NUMB: variants seen among roughly 807,000 people sequenced by gnomAD.
The protein encoded by NUMB is NUMB endocytic adaptor protein.
A neutral mutation model predicts 59.7 loss-of-function variants in NUMB; 29 were observed. That is an observed-to-expected ratio of 0.49 (90% CI 0.36 to 0.66). NUMB has a LOEUF of 0.66. NUMB is among the 30% of genes least tolerant of loss of function. The probability of loss-of-function intolerance (pLI) is 0.00; values close to 1 mark genes in which losing one functional copy is unlikely to be tolerated. For synonymous variants in NUMB, 288 were observed against 288.2 expected (o/e 1.00, Z 0.01); for missense variants, 723 against 822.0 (o/e 0.88, Z 1.47).
At chr14:73,278,721 C>CTTT (rs35813203) in intron 12 of NUMB, among the ~76,000 whole-genome samples, 675 of 58,068 alleles carry the variant, frequency 0.012, 22 homozygotes, top group Non-Finnish European at 0.015. Context: ...GCCCTGGAAT[C>CTTT]TTTTTTTTTT....
intron 4 of NUMB, among the ~76,000 whole-genome samples, chr14:73,333,946 C>T (rs985265383): frequency 6.6e-6 from 1 of 151,856 alleles, no homozygotes; most frequent in Non-Finnish European, 1.5e-5. Context: ...CTCACTGCAA[C>T]CTCCACCTCC....
At chr14:73,420,735 G>C (rs1220522993) in intron 1 of NUMB, among the ~76,000 whole-genome samples, 1 of 152,108 alleles carries the variant, frequency 6.6e-6, no homozygotes, top group Non-Finnish European at 1.5e-5. Flanking sequence ...CATGAGAATT[G>C]CTTGAATCTG....
rs530878840 is a variant in NUMB, at chr14:73,417,807, T to TAA, written c.-232-7741_-232-7740dup. ...AAGTGTCCACCGATGGATGAATGGC[T>TAA]AAACAAAATGTAGTCTAGGCCGGGA... On this transcript the variant is annotated intron_variant, in intron 1 of 12. Transcript: ENST00000555238. Among the ~76,000 whole-genome samples the TAA allele has an allele frequency of 8.8e-4, 134 of 152,256 alleles. 1 individual carries two copies. The East Asian group carries it at 0.017, about 20-fold the overall frequency.
At chr14:73,367,983 G>T (rs148539074) in intron 2 of NUMB, among the ~76,000 whole-genome samples, 121 of 150,714 alleles carry the variant, frequency 8.0e-4, no homozygotes, top group African/African-American at 2.7e-3. Context: ...ATTTTCACAA[G>T]AACTTAAACA....
At chr14:73,350,080 C>CAT (rs760448151) in intron 4 of NUMB, among the ~76,000 whole-genome samples, 10 of 143,052 alleles carry the variant, frequency 7.0e-5, no homozygotes, top group African/African-American at 1.3e-4. Flanking sequence ...TACATACATA[C>CAT]ACACACACAC....
rs564127394 is a variant in NUMB, at chr14:73,286,960, C to T, written c.655+150G>A. ...ATTAAACTAGCCACTCTAAAGGAAG[C>T]GGTTTTTAAGATTTTCAACTTTGTT... On this transcript the variant is annotated intron_variant, in intron 9 of 12. Transcript: ENST00000555238. The T allele has an allele frequency of 1.2e-4, 87 of 714,110 alleles. No homozygotes were observed. The African/African-American group carries it at 1.3e-3, about 11-fold the overall frequency. 44.2% of individuals were successfully genotyped at this position (714,110 alleles called of 1,614,324 possible). A position where few individuals can be genotyped will look rare whatever the true frequency, so the allele number is the denominator to read the frequency against.
At chr14:73,400,137 T>G (rs781715290) in intron 2 of NUMB, among the ~76,000 whole-genome samples, 25 of 152,120 alleles carry the variant, frequency 1.6e-4, no homozygotes, top group Non-Finnish European at 2.8e-4. Flanking sequence ...GAAAGAACTT[T>G]AAATGCACAC....
intron 1 of NUMB, among the ~76,000 whole-genome samples, chr14:73,442,414 G>A (rs899060740): frequency 2.6e-5 from 4 of 151,828 alleles, no homozygotes; most frequent in African/African-American, 9.7e-5. Flanking sequence ...TGTTTTAAAA[G>A]GAAAAAAGAA....
rs531293980 is a variant in NUMB at position 73,294,373 on chromosome 14, T to C, written c.310-1499A>G. ...GGTGCATGTCACCATACGTAGGTAATCAAATATCAGTTTTTATATCCTTAG... is the reference window on the plus strand; with the variant it reads ...GGTGCATGTCACCATACGTAGGTAACCAAATATCAGTTTTTATATCCTTAG... On this transcript the variant is annotated intron_variant, in intron 7 of 12. Transcript: ENST00000555238. Among the ~76,000 whole-genome samples, 7 of 152,246 alleles carry C rather than the reference T, an allele frequency of 4.6e-5. No individual in the cohort carries two copies. In the East Asian group the frequency reaches 1.4e-3, roughly 29 times the overall value.
intron 1 of NUMB, among the ~76,000 whole-genome samples, chr14:73,435,440 A>AT (rs969157576): frequency 4.6e-5 from 7 of 151,226 alleles, no homozygotes; most frequent in African/African-American, 1.7e-4. Flanking sequence ...CGCCCAGCTA[A>AT]TTTTTTTGTA....
chr14:73,387,845 T>C (rs985518257), intron 2 of NUMB, among the ~76,000 whole-genome samples: 3 of 150,768 alleles, frequency 2.0e-5, no homozygotes, highest in Non-Finnish European at 1.5e-5. Context: ...AATCTCTAGG[T>C]CAGGCTCAGT....
At chr14:73,425,169 G>A (rs973102274) in intron 1 of NUMB, among the ~76,000 whole-genome samples, 5 of 152,082 alleles carry the variant, frequency 3.3e-5, no homozygotes, top group Admixed American at 6.6e-5. Context: ...AGGTTAAACT[G>A]ACTTCTTTGA....
chr14:73,278,066 A>AAAC (rs1555367183), intron 12 of NUMB, among the ~76,000 whole-genome samples: 3 of 151,380 alleles, frequency 2.0e-5, no homozygotes, highest in Non-Finnish European at 2.9e-5. Flanking sequence ...AAAAAAAAAA[A>AAAC]AACACCTAGC....
intron 6 of NUMB, among the ~76,000 whole-genome samples, chr14:73,300,238 G>A (rs1890056886): frequency 6.6e-6 from 1 of 152,120 alleles, no homozygotes; most frequent in Admixed American, 6.6e-5. Context: ...AAAATGCAGG[G>A]TGAGATGGGG....
intron 2 of NUMB, among the ~76,000 whole-genome samples, chr14:73,382,447 CAA>C (rs151055012): frequency 2.0e-4 from 26 of 132,768 alleles, no homozygotes; most frequent in Admixed American, 3.1e-4. Flanking sequence ...ATTTTTATAG[CAA>C]AAAAAAAAAA....
intron 4 of NUMB, among the ~76,000 whole-genome samples, chr14:73,323,973 C>A (rs1008420544): frequency 2.6e-5 from 4 of 152,320 alleles, no homozygotes; most frequent in South Asian, 4.1e-4. Context: ...GACCTCCTGA[C>A]TCTAACTCCT....
rs149377292 is a variant in NUMB at position 73,305,372 on chromosome 14, G to A, written c.235-8087C>T. 6.3e-4 allele frequency among the ~76,000 whole-genome samples: 95 copies of A among 151,950 alleles called. 1 individual carries two copies. The highest frequency in any genetic ancestry group is 9.2e-4 in the African/African-American group (38 of 41,446). ...TTCATTATACTGAAATATTAGACCT[G>A]TTGGAACTGTGTCCCCGAATTCATT... On this transcript the variant is annotated intron_variant, in intron 6 of 12. Coordinates refer to ENST00000555238, the MANE Select transcript of NUMB (RefSeq NM_001005743.2).
At chr14:73,424,382 T>G (rs906661046) in intron 1 of NUMB, among the ~76,000 whole-genome samples, 1 of 152,176 alleles carries the variant, frequency 6.6e-6, no homozygotes, top group African/African-American at 2.4e-5. Flanking sequence ...AACATAATTT[T>G]TTTAAAAACC....
At chr14:73,364,377 G>A (rs942474909) in intron 3 of NUMB, among the ~76,000 whole-genome samples, 7 of 152,038 alleles carry the variant, frequency 4.6e-5, no homozygotes, top group African/African-American at 7.2e-5. Flanking sequence ...GGTGATGCCC[G>A]CTTATAGTCC....
Sources: allele counts gnomAD v4.1 joint callset (sites outside exome capture counted in the v4.1 genomes callset), GRCh38; gene constraint gnomAD v4.1.1; transcripts MANE v1.5; gene names NCBI Gene and HGNC (gene_info 2026-07-23, HGNC 2026-07-21).